The following UBTD1 variants were observed in gnomAD, a reference collection of about 807,000 sequenced individuals.
UBTD1 encodes the protein ubiquitin domain-containing protein 1.
A neutral mutation model predicts 21.7 loss-of-function variants in UBTD1; 19 were observed. That is an observed-to-expected ratio of 0.87 (90% CI 0.61 to 1.28). The LOEUF is 1.28. UBTD1 is among the 50% of genes most tolerant of loss of function. The probability of loss-of-function intolerance (pLI) is 0.00; values close to 1 mark genes in which losing one functional copy is unlikely to be tolerated. For missense variants in UBTD1, 282 were observed against 315.1 expected (o/e 0.89, Z 0.80); for synonymous variants, 116 against 135.1 (o/e 0.86, Z 0.98).
At chr10:97,548,157 A>G (rs556477425) in intron 1 of UBTD1, among the ~76,000 whole-genome samples, 1 of 152,370 alleles carries the variant, frequency 6.6e-6, no homozygotes, top group East Asian at 1.9e-4. Flanking sequence ...TCCATCTCTG[A>G]AGCCCACATG....
chr10:97,532,650 C>T (rs1052166245), intron 1 of UBTD1, among the ~76,000 whole-genome samples: 12 of 152,100 alleles, frequency 7.9e-5, no homozygotes, highest in African/African-American at 9.7e-5. Flanking sequence ...ATTAGCTGGG[C>T]GTGGTGGCGG....
intron 1 of UBTD1, among the ~76,000 whole-genome samples, chr10:97,557,679 G>A (rs1049467624): frequency 1.2e-4 from 18 of 152,110 alleles, no homozygotes; most frequent in African/African-American, 3.6e-4. Context: ...TCTTTCTTCT[G>A]TTCTAGCTGT....
intron 1 of UBTD1, among the ~76,000 whole-genome samples, chr10:97,529,507 A>T (rs549371730): frequency 7.2e-5 from 11 of 152,334 alleles, no homozygotes; most frequent in African/African-American, 2.2e-4. Context: ...TCCGTCTGCA[A>T]TCCCGGCACC....
chr10:97,546,884 G>A (rs995263836), intron 1 of UBTD1, among the ~76,000 whole-genome samples: 22 of 152,024 alleles, frequency 1.4e-4, no homozygotes, highest in African/African-American at 5.1e-4. Context: ...GTGCCCCACT[G>A]CCACCTCACA....
intron 1 of UBTD1, among the ~76,000 whole-genome samples, chr10:97,524,669 T>C (rs992095828): frequency 1.3e-5 from 2 of 152,244 alleles, no homozygotes; most frequent in Non-Finnish European, 2.9e-5. Context: ...TTTGTTTTTC[T>C]GTCTCATGTA....
At chr10:97,559,457 C>A (rs10882965) in intron 1 of UBTD1, among the ~76,000 whole-genome samples, 1 of 152,152 alleles carries the variant, frequency 6.6e-6, no homozygotes, top group Admixed American at 6.5e-5. Context: ...TTTTATGATC[C>A]TCTAGTAAAA....
chr10:97,531,622 A>G (rs1308428117), intron 1 of UBTD1, among the ~76,000 whole-genome samples: 1 of 152,154 alleles, frequency 6.6e-6, no homozygotes, highest in Non-Finnish European at 1.5e-5. Context: ...TGTGCTTGGG[A>G]TCACTGGGTC....
At position 97,535,755 on chromosome 10, in the gene UBTD1, A is replaced by T. The variant is rs866321152; in HGVS notation, c.71-32159A>T. Among the ~76,000 whole-genome samples the T allele has an allele frequency of 8.0e-5, 12 of 150,214 alleles. No homozygotes were observed. In the South Asian group the frequency reaches 8.4e-4, roughly 11 times the overall value. ...ACAAAGTGAGACCCCATCTCTACAA[A>T]TTTTTTTTTTTAATTAGCTAGGTGC... On this transcript the variant is annotated intron_variant, in intron 1 of 2. Transcript: ENST00000370664.
chr10:97,532,334 G>A (rs532028222), intron 1 of UBTD1, among the ~76,000 whole-genome samples: 4 of 152,310 alleles, frequency 2.6e-5, no homozygotes, highest in South Asian at 4.1e-4. Context: ...CAGTTAAGGC[G>A]AGCTCTTTTT....
chr10:97,552,048 G>A (rs1282646616), intron 1 of UBTD1, among the ~76,000 whole-genome samples: 3 of 151,918 alleles, frequency 2.0e-5, no homozygotes, highest in African/African-American at 7.3e-5. Context: ...AAGTGCGGGG[G>A]TTATAGGTGC....
At chr10:97,550,474 A>C (rs1212854875) in intron 1 of UBTD1, among the ~76,000 whole-genome samples, 1 of 152,130 alleles carries the variant, frequency 6.6e-6, no homozygotes, top group Non-Finnish European at 1.5e-5. Flanking sequence ...AGCCCGCTGC[A>C]GACCTCTCCC....
intron 1 of UBTD1, among the ~76,000 whole-genome samples, chr10:97,504,679 G>A (rs2040391239): frequency 6.6e-6 from 1 of 152,210 alleles, no homozygotes; most frequent in South Asian, 2.1e-4. Context: ...GATACCAAGA[G>A]CAGTGCCTGG....
intron 1 of UBTD1, among the ~76,000 whole-genome samples, chr10:97,566,935 G>A (rs895111357): frequency 2.0e-5 from 3 of 152,160 alleles, no homozygotes; most frequent in African/African-American, 7.2e-5. Flanking sequence ...TTGGAGCTGG[G>A]TAACAAGAAA....
rs557318746 is a variant in UBTD1, at chr10:97,570,421, C to T, written c.582C>T (p.Ser194=). The stretch of plus-strand genomic sequence containing the variant: ...CATCGTGGCAGCGGTGGTTCTTCTC[C>T]GGGAAGCTGCTCACAGACCGCACAC... ...IEPSWQRWFF[S]GKLLTDRTRL... Residue 194 remains serine (S), a synonymous_variant, in exon 3 of 3, where the codon TCC becomes TCT. Coordinates refer to ENST00000370664, the MANE Select transcript of UBTD1 (RefSeq NM_024954.5). The surrounding 1 kb of genome is among the most constrained non-coding windows in gnomAD (Gnocchi z 6.6). 3.6e-5 allele frequency: 58 copies of T among 1,613,336 alleles called. No individual in the cohort carries two copies. The highest frequency in any genetic ancestry group is 1.2e-4 in the Admixed American group (7 of 60,014).
chr10:97,565,413 G>A (rs1564745482), intron 1 of UBTD1, among the ~76,000 whole-genome samples: 1 of 152,156 alleles, frequency 6.6e-6, no homozygotes, highest in Non-Finnish European at 1.5e-5. Context: ...TCAGTTTAGG[G>A]GGAGTGGACA....
intron 1 of UBTD1, among the ~76,000 whole-genome samples, chr10:97,562,298 T>C (rs575705914): frequency 6.6e-6 from 1 of 152,312 alleles, no homozygotes; most frequent in Admixed American, 6.5e-5. Context: ...AGCTACTCGG[T>C]GTCACGCGCA....
In UBTD1 at chr10:97,545,786, TA is replaced by T; in HGVS notation, c.71-22127del. ...GTGTCTCTGTTCTAGGCCTGCCAGG[TA>T]GCTCAGTAAAGGGTAACTATAATTA... On this transcript the variant is annotated intron_variant, in intron 1 of 2. Coordinates refer to ENST00000370664, the MANE Select transcript of UBTD1 (RefSeq NM_024954.5). Among the ~76,000 whole-genome samples the T allele has an allele frequency of 2.0e-5, 3 of 152,344 alleles. No individual in the cohort carries two copies. The South Asian group carries it at 6.2e-4, about 32-fold the overall frequency.
At chr10:97,541,255 T>C (rs2040585695) in intron 1 of UBTD1, among the ~76,000 whole-genome samples, 1 of 152,150 alleles carries the variant, frequency 6.6e-6, no homozygotes, top group African/African-American at 2.4e-5. Flanking sequence ...GGCAGGAGGA[T>C]TGCTTGAGCC....
intron 1 of UBTD1, among the ~76,000 whole-genome samples, chr10:97,547,516 G>A (rs558552319): frequency 6.6e-6 from 1 of 152,238 alleles, no homozygotes; most frequent in African/African-American, 2.4e-5. Context: ...CCTGCGTTCT[G>A]CTGCACCGCG....
Sources: gnomAD v4.1 joint callset for allele counts (sites outside exome capture counted in the v4.1 genomes callset) on GRCh38, gnomAD v4.1.1 for gene constraint, Gnocchi (gnomAD v3.1) non-coding constraint, MANE v1.5 for transcripts, NCBI Gene and HGNC (gene_info 2026-07-23, HGNC 2026-07-21) for gene names.